The following FCRL4 variants were observed in gnomAD, a reference collection of about 807,000 sequenced individuals.
The protein encoded by FCRL4 is Fc receptor-like protein 4.
FCRL4 carries 43 observed loss-of-function variants against 64.1 expected under a neutral mutation model. The observed-to-expected ratio is 0.67, with a 90% CI of 0.53 to 0.87. FCRL4 has a LOEUF of 0.87. FCRL4 is among the 40% of genes least tolerant of loss of function. FCRL4 has a pLI of 0.00. For synonymous variants in FCRL4, 253 were observed against 239.8 expected, an observed-to-expected ratio of 1.05 and a Z score of -0.51; for missense variants, 656 against 613.5, an observed-to-expected ratio of 1.07 and a Z score of -0.73.
intron 2 of FCRL4, among the ~76,000 whole-genome samples, chr1:157,592,474 C>T (rs1652860264): frequency 6.6e-6 from 1 of 152,034 alleles, no homozygotes; most frequent in Admixed American, 6.5e-5. Flanking sequence ...AGCCAACAGA[C>T]ACATGAAAAA....
rs1250512413 is a variant in FCRL4 at position 157,575,543 on chromosome 1, G to A, written c.1529C>T (p.Ser510Phe). The A allele has an allele frequency of 6.2e-7, 1 of 1,613,422 alleles. No individual in the cohort carries two copies. Among genetic ancestry groups the A allele is most frequent in the Non-Finnish European group, 8.5e-7 (1 of 1,179,464 alleles). ...HPDNSAGKIS[S>F]KDEES Reference sequence around the variant, plus strand: ...ATTCTCTTAACTTTCTTCATCCTTAGAGCTGATCTTTCCAGCTGAGTTATC... The same window carrying A: ...ATTCTCTTAACTTTCTTCATCCTTAAAGCTGATCTTTCCAGCTGAGTTATC... Residue 510 changes from serine to phenylalanine, a missense_variant, in exon 12 of 12, where the codon TCT (serine) becomes TTT (phenylalanine). By Grantham distance (155) the Ser-to-Phe change is radical. Coordinates refer to ENST00000271532, the MANE Select transcript of FCRL4 (RefSeq NM_031282.3).
chr1:157,580,878 G>A (rs953757821), intron 7 of FCRL4, among the ~76,000 whole-genome samples: 8 of 152,262 alleles, frequency 5.3e-5, no homozygotes, highest in African/African-American at 7.2e-5. Context: ...TTCTGCTCCT[G>A]TCTTCTACAC....
rs764842152 is a variant in FCRL4, at chr1:157,597,932, C to A, written c.13G>T (p.Ala5Ser). 3.1e-6 allele frequency: 5 copies of A among 1,613,358 alleles called. No individual in the cohort carries two copies. The South Asian group carries it at 5.5e-5, about 18-fold the overall frequency. The change falls in exon 1 of 12, where the codon GCG (alanine) becomes TCG (serine). Residue 5 changes from alanine (A) to serine (S), a missense_variant. Transcript: ENST00000271532. MLLWASLLAFAPVCG... is the reference protein window; with the variant it reads MLLWSSLLAFAPVCG... Reference sequence around the variant, plus strand: ...CACTTACCAAAGGCCAGCAAGGACGCCCACAGCAGCATGGAAGCCTGCTCC... The same window carrying A: ...CACTTACCAAAGGCCAGCAAGGACGACCACAGCAGCATGGAAGCCTGCTCC...
rs571174019 is a variant in FCRL4 at position 157,581,538 on chromosome 1, C to A, written c.1242G>T (p.Arg414Ser). Residue 414 changes from arginine to serine, a missense_variant, in exon 7 of 12, where the codon AGG becomes AGT. By Grantham distance (110) the Arg-to-Ser change is moderately radical. Transcript: ENST00000271532. ...VALLFHCWRRRKSGVGFLGDE... is the reference protein window; with the variant it reads ...VALLFHCWRRSKSGVGFLGDE... ...AAAGAAAAGAGCACAAACCTGACTT[C>A]CTCCGACGCCAGCAGTGAAACAGCA... 1 of 1,613,860 alleles carries A rather than the reference C, an allele frequency of 6.2e-7. No individual in the cohort carries two copies. The highest frequency in any genetic ancestry group is 1.1e-5 in the South Asian group (1 of 91,070).
intron 6 of FCRL4, among the ~76,000 whole-genome samples, chr1:157,585,441 A>C: frequency 7.1e-6 from 1 of 140,394 alleles, no homozygotes; most frequent in African/African-American, 2.8e-5. Context: ...GAGAGACAGG[A>C]ATACAACTAA....
rs1180342005 is a variant in FCRL4, at chr1:157,597,909, C to T, written c.31+5G>A. The T allele has an allele frequency of 5.6e-6, 9 of 1,613,166 alleles. No individual in the cohort carries two copies. The highest frequency in any genetic ancestry group is 1.3e-5 in the African/African-American group (1 of 75,040). On this transcript the variant is annotated splice_donor_5th_base_variant and intron_variant, in intron 1 of 11. Transcript: ENST00000271532. ...GCAAGCAAAGGTCTCCTCCCCATCA[C>T]TTACCAAAGGCCAGCAAGGACGCCC...
chr1:157,583,678 A>T (rs892605144), intron 6 of FCRL4, among the ~76,000 whole-genome samples: 7 of 152,150 alleles, frequency 4.6e-5, no homozygotes, highest in African/African-American at 1.7e-4. Flanking sequence ...CAGCCTCCAG[A>T]ACTATGAGGA....
chr1:157,575,929 C>G (rs1272452658), intron 10 of FCRL4, among the ~76,000 whole-genome samples, 199 bp from the exon 11 acceptor site: 1 of 152,184 alleles, frequency 6.6e-6, no homozygotes, highest in Non-Finnish European at 1.5e-5. Context: ...AAGTTCTTTT[C>G]AAGCTCCATT....
At chr1:157,587,642 G>C in intron 4 of FCRL4, 82 bp from the exon 5 acceptor site, 2 of 1,445,120 alleles carry the variant, frequency 1.4e-6, no homozygotes, top group Non-Finnish European at 1.9e-6. Flanking sequence ...CTCAGTCCCA[G>C]GAAACTTCAG....
chr1:157,591,313 C>A (rs1366213372), intron 2 of FCRL4, among the ~76,000 whole-genome samples: 2 of 152,108 alleles, frequency 1.3e-5, no homozygotes, highest in Non-Finnish European at 1.5e-5. Flanking sequence ...CTTTAAAGGC[C>A]TTTAATTCAA....
At chr1:157,593,138 T>G (rs1241392247) in intron 2 of FCRL4, among the ~76,000 whole-genome samples, 6 of 152,058 alleles carry the variant, frequency 3.9e-5, no homozygotes, top group Non-Finnish European at 8.8e-5. Flanking sequence ...CTAATGTAAA[T>G]GACAAGTTGA....
Position 157,580,304 on chromosome 1 carries a change from A to G in FCRL4, c.1277+17T>C. ...ACTCGGGAAACTAAAAAGGAATGGCAGAAACTGAGGTCTCACCTGGTTTCG... is the reference window on the plus strand; with the variant it reads ...ACTCGGGAAACTAAAAAGGAATGGCGGAAACTGAGGTCTCACCTGGTTTCG... On this transcript the variant is annotated intron_variant, in intron 8 of 11. Transcript: ENST00000271532. 6.2e-7 allele frequency: 1 copy of G among 1,614,038 alleles called. No individual in the cohort carries two copies.
At position 157,587,911 on chromosome 1, in the gene FCRL4, G is replaced by T; in HGVS notation, c.516C>A (p.Asp172Glu). ...NGNYRCIGYGDENDVFRSNFK... is the reference protein window; with the variant it reads ...NGNYRCIGYGEENDVFRSNFK... ...AATTTGATCTAAATACATCATTCTC[G>T]TCTCCATATCCAATGCATCGATAAT... is the stretch of plus-strand genomic sequence containing the variant. The change falls in exon 4 of 12, where the codon GAC (aspartate) becomes GAA (glutamate). Residue 172 changes from aspartate (D) to glutamate (E), a missense_variant. Asp to Glu is a conservative substitution (Grantham distance 45). Coordinates refer to ENST00000271532, the MANE Select transcript of FCRL4 (RefSeq NM_031282.3). The T allele has an allele frequency of 6.2e-7, 1 of 1,608,350 alleles. No homozygotes were observed. The highest frequency in any genetic ancestry group is 8.5e-7 in the Non-Finnish European group (1 of 1,175,866).
chr1:157,596,267 G>A, intron 2 of FCRL4, 61 bp downstream of exon 2: 1 of 1,542,646 alleles, frequency 6.5e-7, no homozygotes, highest in East Asian at 2.2e-5. Context: ...AAGTATTTGA[G>A]ATAAAATATA....
intron 8 of FCRL4, among the ~76,000 whole-genome samples, chr1:157,579,683 C>CT (rs1160712140): frequency 6.7e-6 from 1 of 150,020 alleles, no homozygotes; most frequent in Non-Finnish European, 1.5e-5. Context: ...TGCCACTGCA[C>CT]TCCAGCCTGG....
chr1:157,580,410 T>C lies in FCRL4; in HGVS notation c.1250-62A>G, dbSNP rs1341399773. The C allele has an allele frequency of 3.2e-6, 5 of 1,554,618 alleles. No individual in the cohort carries two copies. In the South Asian group the frequency reaches 5.6e-5, roughly 17 times the overall value. On this transcript the variant is annotated intron_variant, in intron 7 of 11. Transcript: ENST00000271532. ...AGGGAGCTCTTTCTCAATGACTTCA[T>C]GTAACAGGAGCTATCTAAGAGAGGT...
At position 157,573,801 on chromosome 1, in the gene FCRL4, T is replaced by A. The variant is rs1652341945; in HGVS notation, c.*1723A>T. On this transcript the variant is annotated 3_prime_UTR_variant, in exon 12 of 12. Coordinates refer to ENST00000271532, the MANE Select transcript of FCRL4 (RefSeq NM_031282.3). The stretch of plus-strand genomic sequence containing the variant: ...TCAGTATAAGCGCTGAAAGTGAATA[T>A]CCTTTTGCTTTTATAAAAACATCAC... 5.3e-6 allele frequency: 1 copy of A among 187,114 alleles called. No individual in the cohort carries two copies. The highest frequency in any genetic ancestry group is 2.3e-5 in the African/African-American group (1 of 42,826). The allele number at this position is 187,114 out of a possible 1,614,324, so 11.6% of individuals were successfully genotyped here.
Position 157,589,271 on chromosome 1 carries a change from A to G in FCRL4, c.240T>C (p.Ser80=). The change falls in exon 3 of 12, where the codon TCT becomes TCC. Residue 80 remains serine (S), a synonymous_variant. Coordinates refer to ENST00000271532, the MANE Select transcript of FCRL4 (RefSeq NM_031282.3). ...TPGNTLEVRE[S]GLYRCQARGS... ...CCCGGGCCTGGCATCTGTACAGTCC[A>G]GATTCCCGAACCTCGAGGGTGTTTC... is the stretch of plus-strand genomic sequence containing the variant. 6.2e-7 allele frequency: 1 copy of G among 1,614,196 alleles called. No individual in the cohort carries two copies. Among genetic ancestry groups the G allele is most frequent in the South Asian group, 1.1e-5 (1 of 91,084 alleles).
intron 7 of FCRL4, among the ~76,000 whole-genome samples, chr1:157,580,783 A>T (rs978014186): frequency 2.6e-5 from 4 of 152,210 alleles, no homozygotes; most frequent in African/African-American, 9.6e-5. Context: ...GACACACAGA[A>T]GGTGCTGTCA....
Sources: allele counts gnomAD v4.1 joint callset (sites outside exome capture counted in the v4.1 genomes callset), GRCh38; gene constraint gnomAD v4.1.1; transcripts MANE v1.5; gene names NCBI Gene and HGNC (gene_info 2026-07-23, HGNC 2026-07-21).